The following ZFR2 variants were observed in gnomAD, a reference collection of about 807,000 sequenced individuals.
The protein encoded by ZFR2 is zinc finger RNA binding protein 2.
ZFR2 carries 104 observed loss-of-function variants against 105.7 expected under a neutral mutation model. The observed-to-expected ratio is 0.98, with a 90% CI of 0.84 to 1.16. The LOEUF (loss-of-function observed/expected upper bound fraction) is 1.16. Among genes scored for constraint, ZFR2 ranks in the 50% most tolerant of loss-of-function variants. The pLI, the probability that ZFR2 is intolerant of heterozygous loss-of-function variation, is 0.00. For missense variants in ZFR2, 1,425 were observed against 1,355.5 expected, an observed-to-expected ratio of 1.05 and a Z score of -0.80; for synonymous variants, 634 against 597.7, an observed-to-expected ratio of 1.06 and a Z score of -0.89.
intron 1 of ZFR2, among the ~76,000 whole-genome samples, chr19:3,864,201 C>G (rs2038405037): frequency 6.6e-6 from 1 of 151,980 alleles, no homozygotes; most frequent in Non-Finnish European, 1.5e-5. Flanking sequence ...GGCAAAATAG[C>G]AAGACCCTAT....
rs1599214734 is a variant in ZFR2, at chr19:3,806,106, G to T, written c.2663C>A (p.Ala888Asp). The change falls in exon 19 of 19, where the codon GCC becomes GAC. Residue 888 changes from alanine to aspartate, a missense_variant. Coordinates refer to ENST00000262961, the MANE Select transcript of ZFR2 (RefSeq NM_015174.2). Reference sequence around the variant, plus strand: ...CAGGACCTTGTGGGTCTGCCGGAAGGCCAGCATTCGCAGGGCGTGCTGCGG... The same window carrying T: ...CAGGACCTTGTGGGTCTGCCGGAAGTCCAGCATTCGCAGGGCGTGCTGCGG... Reference protein sequence around the residue: ...ASAQHALRMLAFRQTHKVLGM... With the variant: ...ASAQHALRMLDFRQTHKVLGM... 1 of 1,469,338 alleles carries T rather than the reference G, an allele frequency of 6.8e-7. No individual in the cohort carries two copies. 91.0% of individuals were successfully genotyped at this position (1,469,338 alleles called of 1,614,324 possible).
intron 1 of ZFR2, among the ~76,000 whole-genome samples, chr19:3,853,608 T>G (rs1198723059): frequency 6.6e-6 from 1 of 152,180 alleles, no homozygotes; most frequent in African/African-American, 2.4e-5. Flanking sequence ...ATTCCATTTC[T>G]ACAGAATGTC....
At chr19:3,817,700 G>A (rs2037840848) in intron 12 of ZFR2, among the ~76,000 whole-genome samples, 1 of 147,106 alleles carries the variant, frequency 6.8e-6, no homozygotes, top group Non-Finnish European at 1.5e-5. Context: ...AGGTTGCTGT[G>A]AGCCGAGATC....
intron 17 of ZFR2, among the ~76,000 whole-genome samples, chr19:3,807,704 T>A (rs2037713797): frequency 6.6e-6 from 1 of 150,710 alleles, no homozygotes; most frequent in Non-Finnish European, 1.5e-5. Flanking sequence ...CCCATGTGTG[T>A]CCATGCATGC....
In ZFR2 at chr19:3,831,773, A is replaced by G; in HGVS notation, c.485T>C (p.Leu162Ser). 6 of 1,610,410 alleles carry G rather than the reference A, an allele frequency of 3.7e-6. No individual in the cohort carries two copies. The highest frequency in any genetic ancestry group is 2.2e-5 in the East Asian group (1 of 44,810). ...CGTGGGGTAGGTGTATCCCGAGGACAAGGTGCTCGCTGGCTGTCCGGACTC... is the reference window on the plus strand; with the variant it reads ...CGTGGGGTAGGTGTATCCCGAGGACGAGGTGCTCGCTGGCTGTCCGGACTC... ...IVESGQPAST[L>S]SSGYTYPTAT... Residue 162 changes from leucine to serine, a missense_variant, in exon 4 of 19, where the codon TTG (leucine) becomes TCG (serine). Physicochemically the swap from Leu to Ser is moderately radical, Grantham distance 145. Coordinates refer to ENST00000262961, the MANE Select transcript of ZFR2 (RefSeq NM_015174.2).
chr19:3,831,517 G>A lies in ZFR2; in HGVS notation c.638C>T (p.Ala213Val). The change falls in exon 5 of 19, where the codon GCT becomes GTT. Residue 213 changes from alanine (A) to valine (V), a missense_variant. By Grantham distance (64) the Ala-to-Val change is moderately conservative (BLOSUM62 0). Transcript: ENST00000262961. ...CGCTGGAGGATAGAAAGGGCTGGCA[G>A]CGGAGTACACCGACGCGTCATAGTT... The part of the protein sequence containing the change: ...YPNYDASVYS[A>V]ASPFYPPAQP... 6.4e-7 allele frequency: 1 copy of A among 1,557,840 alleles called. No homozygotes were observed. The highest frequency in any genetic ancestry group is 2.4e-5 in the East Asian group (1 of 41,572).
At chr19:3,841,494 G>C (rs2038132316) in intron 1 of ZFR2, among the ~76,000 whole-genome samples, 1 of 152,120 alleles carries the variant, frequency 6.6e-6, no homozygotes, top group African/African-American at 2.4e-5. Context: ...AGACCAGCCT[G>C]GGCAACATAG....
chr19:3,859,996 A>C (rs1041622165), intron 1 of ZFR2, among the ~76,000 whole-genome samples: 7 of 152,042 alleles, frequency 4.6e-5, no homozygotes, highest in African/African-American at 1.7e-4. Context: ...ATTGGAAAGG[A>C]GTTCTGTTAA....
intron 1 of ZFR2, among the ~76,000 whole-genome samples, chr19:3,856,176 G>A (rs569169328): frequency 6.6e-6 from 1 of 152,178 alleles, no homozygotes; most frequent in African/African-American, 2.4e-5. Context: ...GGATCTGCAC[G>A]AAGGACTGCC....
At position 3,816,845 on chromosome 19, in the gene ZFR2, G is replaced by A. The variant is rs1219213926; in HGVS notation, c.1932C>T (p.Ser644=). ...GGACCCGAGTCTGGGGGGCAACGCT[G>A]CTGTGGGGACAAAGCCACAGACGTG... ...GRREEEGDKR[S]SVAPQTRVLK... is the part of the protein sequence containing the mutation. The change falls in exon 13 of 19, where the codon AGC becomes AGT. Residue 644 remains serine, a splice_region_variant and synonymous_variant. Coordinates refer to ENST00000262961, the MANE Select transcript of ZFR2 (RefSeq NM_015174.2). 6.4e-7 allele frequency: 1 copy of A among 1,556,526 alleles called. No homozygotes were observed. Among genetic ancestry groups the A allele is most frequent in the Non-Finnish European group, 8.7e-7 (1 of 1,150,832 alleles).
In ZFR2 at chr19:3,810,738, G is replaced by C; in HGVS notation, c.2433+12C>G. 1 of 1,547,102 alleles carries C rather than the reference G, an allele frequency of 6.5e-7. No homozygotes were observed. Among genetic ancestry groups the C allele is most frequent in the Non-Finnish European group, 8.7e-7 (1 of 1,145,060 alleles). Reference sequence around the variant, plus strand: ...TCCCAGTGGAGGGCCGGGCCGCCAGGCACTGCCTTACCCAGGCTGGCAGGG... The same window carrying C: ...TCCCAGTGGAGGGCCGGGCCGCCAGCCACTGCCTTACCCAGGCTGGCAGGG... On this transcript the variant is annotated intron_variant, in intron 16 of 18. Transcript: ENST00000262961.
chr19:3,847,257 C>T (rs1450535716), intron 1 of ZFR2, among the ~76,000 whole-genome samples: 1 of 152,204 alleles, frequency 6.6e-6, no homozygotes, highest in Non-Finnish European at 1.5e-5. Flanking sequence ...AGGGGGGTGG[C>T]TCACACCTGT....
intron 3 of ZFR2, among the ~76,000 whole-genome samples, 190 bp from the exon 4 acceptor site, chr19:3,832,068 C>T (rs1386322940): frequency 6.6e-6 from 1 of 152,078 alleles, no homozygotes; most frequent in Admixed American, 6.5e-5. Context: ...TTCCAGAGCC[C>T]GGCTTCTCTC....
intron 12 of ZFR2, 113 bp from the exon 13 acceptor site, chr19:3,816,958 C>T (rs1015731277): frequency 3.4e-5 from 33 of 979,422 alleles, no homozygotes; most frequent in Admixed American, 5.5e-5. Context: ...CTCTGTGCCT[C>T]GGCATCCTCA....
At chr19:3,816,874 C>T in intron 12 of ZFR2, 29 bp from the exon 13 acceptor site, 1 of 1,530,536 alleles carries the variant, frequency 6.5e-7, no homozygotes, top group Non-Finnish European at 8.8e-7. Context: ...AGACGTGCGC[C>T]ATCAGCGGAG....
chr19:3,864,976 T>C (rs1207529601), intron 1 of ZFR2, among the ~76,000 whole-genome samples: 1 of 150,140 alleles, frequency 6.7e-6, no homozygotes, highest in African/African-American at 2.4e-5. Context: ...CTCGAACTCC[T>C]GACCTCAGGT....
chr19:3,810,184 G>C (rs973791443), intron 16 of ZFR2, among the ~76,000 whole-genome samples: 1 of 152,204 alleles, frequency 6.6e-6, no homozygotes, highest in Non-Finnish European at 1.5e-5. Context: ...GGGAGGCCGG[G>C]TGTGGATGGC....
chr19:3,863,545 G>A (rs983164517), intron 1 of ZFR2, among the ~76,000 whole-genome samples: 7 of 152,026 alleles, frequency 4.6e-5, no homozygotes, highest in African/African-American at 1.2e-4. Flanking sequence ...CTCCCTCCTC[G>A]GCCTCCCAAA....
At chr19:3,810,645 C>T (rs531840416) in intron 16 of ZFR2, 105 bp downstream of exon 16, 85 of 1,132,266 alleles carry the variant, frequency 7.5e-5, no homozygotes, top group East Asian at 4.3e-4. Flanking sequence ...GGTCTCCCGC[C>T]GGCTCCTTCG....
Sources: gnomAD v4.1 joint callset for allele counts (sites outside exome capture counted in the v4.1 genomes callset) on GRCh38, gnomAD v4.1.1 for gene constraint, MANE v1.5 for transcripts, NCBI Gene and HGNC (gene_info 2026-07-23, HGNC 2026-07-21) for gene names.